The following FAT3 variants were observed in gnomAD, a reference collection of about 807,000 sequenced individuals.
FAT3 encodes the protein FAT atypical cadherin 3, also known as protocadherin Fat 3.
FAT3 carries 95 observed loss-of-function variants against 310.2 expected under a neutral mutation model. The observed-to-expected ratio is 0.31, with a 90% CI of 0.26 to 0.36. The LOEUF (loss-of-function observed/expected upper bound fraction) is 0.36. Among genes scored for constraint, FAT3 ranks in the 10% least tolerant of loss-of-function variants. The probability of loss-of-function intolerance (pLI) is 1.00; values close to 1 mark genes in which losing one functional copy is unlikely to be tolerated. For missense variants in FAT3, 5,408 were observed against 5,715.6 expected (o/e 0.95, Z 1.74); for synonymous variants, 2,314 against 2,192.9 (o/e 1.06, Z -1.54).
At chr11:92,577,262 A>G (rs1237165979) in intron 3 of FAT3, among the ~76,000 whole-genome samples, 1 of 151,654 alleles carries the variant, frequency 6.6e-6, no homozygotes, top group Non-Finnish European at 1.5e-5. Context: ...GCGGTCGCCA[A>G]CATGCCCCAT....
chr11:92,306,866 C>T (rs1947154736), intron 1 of FAT3, among the ~76,000 whole-genome samples: 1 of 147,198 alleles, frequency 6.8e-6, no homozygotes, highest in Admixed American at 7.1e-5. Flanking sequence ...TCATAGCTCA[C>T]TGCATTTTCA....
chr11:92,358,966 G>A (rs916055573), intron 2 of FAT3, among the ~76,000 whole-genome samples: 1 of 152,120 alleles, frequency 6.6e-6, no homozygotes, highest in Non-Finnish European at 1.5e-5. Flanking sequence ...CCTTTAAGTT[G>A]GCTGACAAAG....
rs1952910230 is a variant in FAT3, at chr11:92,500,618, G to A, written c.3293-24016G>A. Among the ~76,000 whole-genome samples the A allele has an allele frequency of 3.3e-5, 5 of 152,124 alleles. No individual in the cohort carries two copies. In the South Asian group the frequency reaches 1.0e-3, roughly 32 times the overall value. On this transcript the variant is annotated intron_variant, in intron 2 of 27. Coordinates refer to ENST00000525166, the MANE Select transcript of FAT3 (RefSeq NM_001367949.2). ...CATTATCAGAACAAAGTGCGAAGAG[G>A]TAATTTTTTCAAGTCAGATGTGACA...
In FAT3 at chr11:92,882,733, C is replaced by T. The variant is rs1949701405; in HGVS notation, c.12282-5C>T. 6.3e-7 allele frequency: 1 copy of T among 1,588,988 alleles called. No individual in the cohort carries two copies. Among genetic ancestry groups the T allele is most frequent in the Non-Finnish European group, 8.6e-7 (1 of 1,165,488 alleles). ...CGGTGGGGAGGGGCTTCTGTGTCGC[C>T]GCAGGTGTGAGGAGGACATCAATGA... On this transcript the variant is annotated splice_region_variant and splice_polypyrimidine_tract_variant and intron_variant, in intron 23 of 27. Coordinates refer to ENST00000525166, the MANE Select transcript of FAT3 (RefSeq NM_001367949.2).
Position 92,462,691 on chromosome 11 carries a change from G to A in FAT3, c.3293-61943G>A, listed in dbSNP as rs935705803. Among the ~76,000 whole-genome samples the A allele has an allele frequency of 3.3e-5, 5 of 152,046 alleles. No homozygotes were observed. In the South Asian group the frequency reaches 1.0e-3, roughly 32 times the overall value. On this transcript the variant is annotated intron_variant, in intron 2 of 27. Transcript: ENST00000525166. ...TTGTTTTACCAAGATTTATTTCTTTGCTCATGCCGAAGAATTTCAATATCT... is the reference window on the plus strand; with the variant it reads ...TTGTTTTACCAAGATTTATTTCTTTACTCATGCCGAAGAATTTCAATATCT...
chr11:92,412,402 ATTTTT>A (rs780298367), intron 2 of FAT3, among the ~76,000 whole-genome samples: 1 of 101,126 alleles, frequency 9.9e-6, no homozygotes, highest in Non-Finnish European at 1.9e-5. Flanking sequence ...GACCCGGCCT[ATTTTT>A]TTTTTTTTTT....
At chr11:92,417,693 T>C (rs1252084863) in intron 2 of FAT3, among the ~76,000 whole-genome samples, 1 of 152,184 alleles carries the variant, frequency 6.6e-6, no homozygotes, top group Non-Finnish European at 1.5e-5. Flanking sequence ...GGGCAAAGTT[T>C]CATAGGTGGG....
At chr11:92,650,341 A>C (rs893453537) in intron 3 of FAT3, among the ~76,000 whole-genome samples, 2 of 152,070 alleles carry the variant, frequency 1.3e-5, no homozygotes, top group African/African-American at 4.8e-5. Context: ...TATGCTGGGG[A>C]TTCTTGACAA....
At chr11:92,469,639 C>T (rs761452297) in intron 2 of FAT3, among the ~76,000 whole-genome samples, 11 of 151,838 alleles carry the variant, frequency 7.2e-5, no homozygotes, top group South Asian at 2.1e-4. Flanking sequence ...CTCAGCCTCC[C>T]GAGTAGCTGG....
intron 1 of FAT3, among the ~76,000 whole-genome samples, chr11:92,242,662 G>T (rs1864714972): frequency 6.6e-6 from 1 of 151,976 alleles, no homozygotes; most frequent in African/African-American, 2.4e-5. Flanking sequence ...AATTGATATT[G>T]CTGTAGTTCA....
intron 4 of FAT3, among the ~76,000 whole-genome samples, chr11:92,705,220 T>TC (rs1211417015): frequency 2.0e-5 from 3 of 152,028 alleles, no homozygotes; most frequent in Admixed American, 1.3e-4. Context: ...TCTTAAATAA[T>TC]CCCCCCAAAA....
intron 1 of FAT3, among the ~76,000 whole-genome samples, chr11:92,267,137 A>G (rs531010766): frequency 6.6e-6 from 1 of 151,932 alleles, no homozygotes; most frequent in Admixed American, 6.6e-5. Context: ...GAAAATGCTT[A>G]CTCAAAAAGA....
intron 3 of FAT3, among the ~76,000 whole-genome samples, chr11:92,541,149 T>C (rs1954436431): frequency 6.6e-6 from 1 of 152,188 alleles, no homozygotes; most frequent in South Asian, 2.1e-4. Flanking sequence ...ACACCTACTG[T>C]GTGCTAGGCA....
rs1304957615 is a variant in FAT3, at chr11:92,857,287, T to C, written c.11439T>C (p.Tyr3813=). ...CAGGGGACATGCAGTGTGTCAGTTA[T>C]GAAGCCAGCAGGAGACCGTTCCTCT... is the stretch of plus-strand genomic sequence containing the variant. ...PCPGDMQCVS[Y]EASRRPFLCQ... is the part of the protein sequence containing the mutation. Residue 3813 remains tyrosine (Y), a synonymous_variant, in exon 20 of 28, where the codon TAT becomes TAC. Transcript: ENST00000525166. 1 of 1,614,002 alleles carries C rather than the reference T, an allele frequency of 6.2e-7. No individual in the cohort carries two copies. Among genetic ancestry groups the C allele is most frequent in the Admixed American group, 1.7e-5 (1 of 60,026 alleles).
chr11:92,622,409 C>T, intron 3 of FAT3, among the ~76,000 whole-genome samples: 1 of 152,046 alleles, frequency 6.6e-6, no homozygotes, highest in Non-Finnish European at 1.5e-5. Flanking sequence ...CCCAATAATA[C>T]CTTGCTAAGT....
At chr11:92,441,366 T>C (rs1951059934) in intron 2 of FAT3, among the ~76,000 whole-genome samples, 1 of 152,226 alleles carries the variant, frequency 6.6e-6, no homozygotes, top group Non-Finnish European at 1.5e-5. Flanking sequence ...ATATAAGCAG[T>C]TGCTTCTGAA....
intron 2 of FAT3, among the ~76,000 whole-genome samples, chr11:92,496,003 T>C (rs1007847749): frequency 3.9e-5 from 6 of 152,118 alleles, no homozygotes; most frequent in African/African-American, 1.4e-4. Context: ...TTTTCTGTAG[T>C]GTTGATCCAT....
At chr11:92,843,910 C>T in intron 18 of FAT3, 24 bp from the exon 19 acceptor site, 2 of 1,562,616 alleles carry the variant, frequency 1.3e-6, no homozygotes, top group Non-Finnish European at 1.7e-6. Flanking sequence ...CCTTTGTTGC[C>T]TTTTCACCTC....
intron 3 of FAT3, among the ~76,000 whole-genome samples, chr11:92,666,414 T>G (rs1591583988): frequency 2.0e-5 from 3 of 150,878 alleles, no homozygotes; most frequent in Middle Eastern, 3.4e-3. Flanking sequence ...TGCAGTGGCC[T>G]GATCTCTGCT....
Sources: gnomAD v4.1 joint callset for allele counts (sites outside exome capture counted in the v4.1 genomes callset) on GRCh38, gnomAD v4.1.1 for gene constraint, MANE v1.5 for transcripts, NCBI Gene and HGNC (gene_info 2026-07-23, HGNC 2026-07-21) for gene names.